EIF3A: variants seen among roughly 807,000 people sequenced by gnomAD.
EIF3A encodes the protein eukaryotic translation initiation factor 3 subunit A, also known as EIF3, p180 subunit.
EIF3A carries 21 observed loss-of-function variants against 186.6 expected under a neutral mutation model. The ratio of observed to expected loss-of-function variants is 0.11; its 90% CI spans 0.08 to 0.16. The LOEUF (loss-of-function observed/expected upper bound fraction) is 0.16, where lower values mean the gene tolerates loss of function less well. Among genes scored for constraint, EIF3A ranks in the 10% least tolerant of loss-of-function variants. EIF3A has a pLI of 1.00. For synonymous variants in EIF3A, 563 were observed against 584.3 expected (o/e 0.96, Z 0.52); for missense variants, 1,306 against 1,796.3 (o/e 0.73, Z 4.93).
At chr10:119,052,962 CAAA>C (rs1406466097) in intron 14 of EIF3A, among the ~76,000 whole-genome samples, 3 of 152,138 alleles carry the variant, frequency 2.0e-5, no homozygotes, top group African/African-American at 7.2e-5. Context: ...ACTTGAAAGA[CAAA>C]ATTATTCCTA....
At chr10:119,055,101 G>C (rs551686681) in intron 14 of EIF3A, among the ~76,000 whole-genome samples, 1 of 152,276 alleles carries the variant, frequency 6.6e-6, no homozygotes, top group Admixed American at 6.5e-5. Context: ...CCAGCTACTT[G>C]GGAGGCTGCG....
At chr10:119,073,612 T>C (rs945226611) in intron 2 of EIF3A, 35 bp from the exon 3 acceptor site, 1 of 1,594,156 alleles carries the variant, frequency 6.3e-7, no homozygotes. Flanking sequence ...TCAGAACTTA[T>C]TTTTCCATTG....
Position 119,070,953 on chromosome 10 carries a change from C to T in EIF3A, c.674G>A (p.Ser225Asn). ...TCTGGTTTCCAAATGCATGGACTGG[C>T]TCTCTGGATTATTAAGATTGATTGC... ...STAINLNNPE[S>N]QSMHLETRLV... Residue 225 changes from serine (S) to asparagine (N), a missense_variant, in exon 5 of 22, where the codon AGC becomes AAC. Ser to Asn is a conservative substitution (Grantham distance 46). Transcript: ENST00000369144. The T allele has an allele frequency of 3.1e-6, 5 of 1,614,008 alleles. No homozygotes were observed.
intron 6 of EIF3A, among the ~76,000 whole-genome samples, chr10:119,069,083 G>A (rs1034451077): frequency 4.0e-4 from 61 of 152,176 alleles, no homozygotes; most frequent in African/African-American, 1.4e-3. Flanking sequence ...CGTTAAATGT[G>A]TTTTTCCTAA....
rs746575770 is a variant in EIF3A at position 119,035,998 on chromosome 10, A to G, written c.*41T>C. On this transcript the variant is annotated 3_prime_UTR_variant, in exon 22 of 22. Coordinates refer to ENST00000369144, the MANE Select transcript of EIF3A (RefSeq NM_003750.4). ...GTATAATAATCCTTGAATGTGATCA[A>G]ACCTATTTAAGACACCAGTTTAAAT... The G allele has an allele frequency of 6.3e-5, 92 of 1,455,788 alleles. No homozygotes were observed. In the Admixed American group the frequency reaches 1.5e-3, roughly 24 times the overall value. The allele number at this position is 1,455,788 out of a possible 1,614,324, so 90.2% of individuals were successfully genotyped here.
At position 119,036,050 on chromosome 10, in the gene EIF3A, C is replaced by T; in HGVS notation, c.4138G>A (p.Val1380Ile). Residue 1380 changes from valine to isoleucine, a missense_variant, in exon 22 of 22, where the codon GTA becomes ATA. Physicochemically the swap from Val to Ile is conservative, Grantham distance 29. Around this residue, in one of 8 missense-constraint regions of EIF3A, gnomAD observed 331 missense variants for 365.8 expected, o/e 0.90. Transcript: ENST00000369144. ...NETDEDGWTT[V>I]RR ...CATTATCTTGAGACTTAACGTCGTA[C>T]TGTGGTCCATCCATCTTCATCAGTC... The T allele has an allele frequency of 6.2e-7, 1 of 1,612,876 alleles. No homozygotes were observed. The highest frequency in any genetic ancestry group is 8.5e-7 in the Non-Finnish European group (1 of 1,178,834).
intron 16 of EIF3A, 72 bp from the exon 17 acceptor site, chr10:119,050,057 TG>T (rs1189061075): frequency 6.9e-7 from 1 of 1,448,222 alleles, no homozygotes; most frequent in Admixed American, 1.9e-5. Context: ...TCCACTTTTC[TG>T]GTATTAAACA....
intron 4 of EIF3A, 91 bp downstream of exon 4, chr10:119,072,799 T>C (rs1246736827): frequency 1.4e-6 from 2 of 1,446,802 alleles, no homozygotes; most frequent in African/African-American, 2.8e-5. Flanking sequence ...TCAATAAGGA[T>C]AAAAACTAGT....
intron 21 of EIF3A, among the ~76,000 whole-genome samples, chr10:119,036,519 G>A (rs1220423415): frequency 6.6e-6 from 1 of 152,070 alleles, no homozygotes; most frequent in East Asian, 1.9e-4. Flanking sequence ...AGCCTGGGAA[G>A]GACTACAGTT....
chr10:119,067,137 A>C (rs942008553), intron 6 of EIF3A, among the ~76,000 whole-genome samples: 1 of 151,920 alleles, frequency 6.6e-6, no homozygotes, highest in Non-Finnish European at 1.5e-5. Flanking sequence ...AAGCGCTCGA[A>C]CCCGGGAGGC....
chr10:119,059,950 AAAAC>A (rs1166096617), intron 9 of EIF3A: 1 of 569,394 alleles, frequency 1.8e-6, no homozygotes, highest in Non-Finnish European at 3.2e-6. Context: ...TAGTTGTTGT[AAAAC>A]AAAAAAGCCT....
intron 7 of EIF3A, among the ~76,000 whole-genome samples, 163 bp from the exon 8 acceptor site, chr10:119,061,491 A>G (rs566824778): frequency 1.3e-5 from 2 of 152,154 alleles, no homozygotes; most frequent in Non-Finnish European, 2.9e-5. Flanking sequence ...AAGTACAACT[A>G]TGCTGGGTCT....
chr10:119,076,319 C>A, intron 1 of EIF3A, among the ~76,000 whole-genome samples: 2 of 24,730 alleles, frequency 8.1e-5, no homozygotes, highest in African/African-American at 1.2e-4. Flanking sequence ...GGCAACAAGT[C>A]TCCAAAAAAA....
At chr10:119,080,418 C>T in intron 1 of EIF3A, 1 of 985,412 alleles carries the variant, frequency 1.0e-6, no homozygotes, top group Non-Finnish European at 1.2e-6. Context: ...CCTGGGGCGA[C>T]GGTTCCGGGC....
In EIF3A at chr10:119,073,049, G is replaced by T. The variant is rs929870787; in HGVS notation, c.382C>A (p.Leu128Ile). ...LDNIQTPESV[L>I]LSAVSGEDTQ... ...TCTTCACCACTTACAGCACTTAGGA[G>T]AACACTACAAAGAAAAAAATGTTGA... The change falls in exon 4 of 22, where the codon CTC becomes ATC. Residue 128 changes from leucine (L) to isoleucine (I), a missense_variant. By Grantham distance (5) the Leu-to-Ile change is conservative (BLOSUM62 2). Coordinates refer to ENST00000369144, the MANE Select transcript of EIF3A (RefSeq NM_003750.4). 1 of 1,599,772 alleles carries T rather than the reference G, an allele frequency of 6.3e-7. No individual in the cohort carries two copies. Among genetic ancestry groups the T allele is most frequent in the Admixed American group, 1.8e-5 (1 of 55,280 alleles).
chr10:119,040,163 A>G (rs1848188809), intron 19 of EIF3A, among the ~76,000 whole-genome samples: 1 of 152,178 alleles, frequency 6.6e-6, no homozygotes, highest in South Asian at 2.1e-4. Flanking sequence ...ACTTACAACA[A>G]CTGCTCTGGT....
In EIF3A at chr10:119,077,803, T is replaced by G. The variant is rs375269114; in HGVS notation, c.49+2825A>C. ...CTCCTGACCTTGTGATCCACCCGCT[T>G]CGGCCTCCCAAAGTGCTGGGATTAC... is the stretch of plus-strand genomic sequence containing the variant. On this transcript the variant is annotated intron_variant, in intron 1 of 21. Transcript: ENST00000369144. Among the ~76,000 whole-genome samples the G allele has an allele frequency of 8.0e-4, 122 of 152,238 alleles. No individual in the cohort carries two copies. The East Asian group carries it at 0.019, about 24-fold the overall frequency.
intron 21 of EIF3A, 98 bp from the exon 22 acceptor site, chr10:119,036,366 AATC>A (rs1278973559): frequency 7.0e-6 from 5 of 718,918 alleles, no homozygotes; most frequent in African/African-American, 3.6e-5. Flanking sequence ...TAAATACAGA[AATC>A]ATTGTTAAAT....
intron 20 of EIF3A, 101 bp from the exon 21 acceptor site, chr10:119,037,410 AAC>A (rs1848147747): frequency 2.9e-6 from 3 of 1,048,186 alleles, no homozygotes; most frequent in South Asian, 3.0e-5. Context: ...TTACAAATAT[AAC>A]AGACAGTTTA....
Sources: gnomAD v4.1 joint callset for allele counts (sites outside exome capture counted in the v4.1 genomes callset) on GRCh38, gnomAD v4.1.1 for gene constraint, gnomAD v4.1.1 regional missense constraint, MANE v1.5 for transcripts, NCBI Gene and HGNC (gene_info 2026-07-23, HGNC 2026-07-21) for gene names.